VPS13B: variants seen among roughly 807,000 people sequenced by gnomAD.
VPS13B encodes intermembrane lipid transfer protein VPS13B.
In VPS13B, 285 loss-of-function variants were observed where a neutral mutation model predicts 426.4. The ratio of observed to expected loss-of-function variants is 0.67; its 90% CI spans 0.61 to 0.74. VPS13B has a LOEUF of 0.74. Among genes scored for constraint, VPS13B ranks in the 30% least tolerant of loss-of-function variants. The pLI is 0.00. For missense variants in VPS13B, 4,537 were observed against 4,782.6 expected (o/e 0.95, Z 1.51); for synonymous variants, 1,676 against 1,676.4 (o/e 1.00, Z 0.01).
chr8:99,054,850 TG>T (rs1254982739), intron 3 of VPS13B, among the ~76,000 whole-genome samples: 1 of 152,194 alleles, frequency 6.6e-6, no homozygotes, highest in African/African-American at 2.4e-5. Context: ...GCCCACTGAA[TG>T]GTCTTGTCAC....
intron 15 of VPS13B, among the ~76,000 whole-genome samples, chr8:99,166,275 G>A (rs573777794): frequency 5.3e-5 from 8 of 152,252 alleles, no homozygotes; most frequent in East Asian, 1.9e-4. Flanking sequence ...ATGAGCCACC[G>A]TGCCTGGCCA....
At chr8:99,275,539 T>C (rs552614722) in intron 19 of VPS13B, among the ~76,000 whole-genome samples, 2 of 152,264 alleles carry the variant, frequency 1.3e-5, no homozygotes, top group African/African-American at 2.4e-5. Flanking sequence ...TTTTAAAATA[T>C]AGCATATCAT....
chr8:99,568,276 CTAT>C (rs745860921), intron 31 of VPS13B, among the ~76,000 whole-genome samples: 27 of 117,018 alleles, frequency 2.3e-4, no homozygotes, highest in South Asian at 5.1e-4. Context: ...ATACCGATAA[CTAT>C]TATTATTATT....
intron 30 of VPS13B, among the ~76,000 whole-genome samples, chr8:99,530,856 GA>G (rs765552045): frequency 1.3e-5 from 2 of 152,140 alleles, no homozygotes; most frequent in African/African-American, 2.4e-5. Flanking sequence ...ATAAGTGACA[GA>G]ACCAGGACTG....
At chr8:99,520,768 C>A in intron 29 of VPS13B, 131 bp from the exon 30 acceptor site, 2 of 556,986 alleles carry the variant, frequency 3.6e-6, no homozygotes, top group Admixed American at 3.0e-5. Context: ...GATTTTTTTT[C>A]ATTTTACTTT....
At chr8:99,397,053 A>T (rs1814763209) in intron 21 of VPS13B, among the ~76,000 whole-genome samples, 1 of 152,230 alleles carries the variant, frequency 6.6e-6, no homozygotes, top group Non-Finnish European at 1.5e-5. Context: ...TATATTACAG[A>T]TAATAAAAGG....
In VPS13B at chr8:99,630,675, T is replaced by C. The variant is rs529166477; in HGVS notation, c.5221-11136T>C. 2.1e-5 allele frequency among the ~76,000 whole-genome samples: 3 copies of C among 144,564 alleles called. No homozygotes were observed. In the East Asian group the frequency reaches 7.4e-4, roughly 36 times the overall value. 94.8% of individuals were successfully genotyped at this position (144,564 alleles called of 152,430 possible). On this transcript the variant is annotated intron_variant, in intron 33 of 61. Coordinates refer to ENST00000357162, the MANE Select transcript of VPS13B (RefSeq NM_152564.5). ...AACTGTTCTAGGTGCTAGGTGATAA[T>C]GTAGGGGAAAAAAAACCCTCTCAAA...
chr8:99,575,566 A>G (rs1733039037), intron 31 of VPS13B, 92 bp from the exon 32 acceptor site: 3 of 1,505,528 alleles, frequency 2.0e-6, no homozygotes. Flanking sequence ...ATTTTGCCAT[A>G]CATGTTTGTA....
At chr8:99,660,969 T>C (rs1222837080) in intron 34 of VPS13B, among the ~76,000 whole-genome samples, 1 of 152,168 alleles carries the variant, frequency 6.6e-6, no homozygotes, top group East Asian at 1.9e-4. Context: ...AAAATGTATA[T>C]GCTTTTTTTT....
chr8:99,355,901 T>G (rs1396706445), intron 19 of VPS13B, among the ~76,000 whole-genome samples: 1 of 152,200 alleles, frequency 6.6e-6, no homozygotes, highest in East Asian at 1.9e-4. Flanking sequence ...TTGTTTTATT[T>G]CTCTATTAAC....
At chr8:99,631,098 C>T (rs940668953) in intron 33 of VPS13B, among the ~76,000 whole-genome samples, 1 of 152,104 alleles carries the variant, frequency 6.6e-6, no homozygotes, top group Non-Finnish European at 1.5e-5. Flanking sequence ...TGCTTAGTAG[C>T]AATTAGAAAT....
intron 29 of VPS13B, 86 bp from the exon 30 acceptor site, chr8:99,520,813 A>G: frequency 4.2e-6 from 4 of 960,210 alleles, no homozygotes; most frequent in East Asian, 4.9e-5. Context: ...ATGTGTCTCT[A>G]TTCCATTCCC....
intron 58 of VPS13B, among the ~76,000 whole-genome samples, chr8:99,866,912 G>A (rs1817135329): frequency 2.0e-5 from 3 of 152,242 alleles, no homozygotes; most frequent in Admixed American, 2.0e-4. Context: ...TGATAGCTGG[G>A]GTGGCCTGGG....
intron 15 of VPS13B, among the ~76,000 whole-genome samples, chr8:99,164,168 A>G (rs1360882843): frequency 6.6e-6 from 1 of 152,160 alleles, no homozygotes; most frequent in Non-Finnish European, 1.5e-5. Flanking sequence ...TTGGGGTTCC[A>G]TTTGTAAGAC....
At chr8:99,613,776 TAGAAGA>T (rs961248817) in intron 33 of VPS13B, 2 of 152,106 alleles carry the variant, frequency 1.3e-5, no homozygotes. Flanking sequence ...CATTTAAAAA[TAGAAGA>T]AGAAGAAGAA....
chr8:99,663,357 A>C (rs907593805), intron 35 of VPS13B, among the ~76,000 whole-genome samples: 1 of 152,172 alleles, frequency 6.6e-6, no homozygotes, highest in African/African-American at 2.4e-5. Flanking sequence ...ACTATTTCTA[A>C]TCTTGATAAA....
chr8:99,560,569 T>G (rs1386373), intron 31 of VPS13B, among the ~76,000 whole-genome samples: 1 of 152,050 alleles, frequency 6.6e-6, no homozygotes, highest in Admixed American at 6.6e-5. Context: ...CACTGACAAG[T>G]GATTGAATGT....
chr8:99,298,595 C>A (rs987502057), intron 19 of VPS13B, among the ~76,000 whole-genome samples: 1 of 152,096 alleles, frequency 6.6e-6, no homozygotes, highest in African/African-American at 2.4e-5. Flanking sequence ...ATAAATAATT[C>A]ACTCAATGAC....
At chr8:99,490,229 C>T (rs909301746) in intron 25 of VPS13B, among the ~76,000 whole-genome samples, 1 of 152,134 alleles carries the variant, frequency 6.6e-6, no homozygotes, top group African/African-American at 2.4e-5. Context: ...GTTGAACCAG[C>T]CTTGCATCCC....
Sources: allele counts gnomAD v4.1 joint callset (sites outside exome capture counted in the v4.1 genomes callset), GRCh38; gene constraint gnomAD v4.1.1; transcripts MANE v1.5; gene names NCBI Gene and HGNC (gene_info 2026-07-23, HGNC 2026-07-21).